The following LIPI variants were observed in gnomAD, a reference collection of about 807,000 sequenced individuals.
The protein encoded by LIPI is lipase member I.
LIPI carries 59 observed loss-of-function variants against 50.6 expected under a neutral mutation model. That is an observed-to-expected ratio of 1.16 (90% CI 0.94 to 1.45). The LOEUF is 1.45. Ranked by LOEUF, LIPI falls within the 40% of genes most tolerant of loss-of-function variation. LIPI has a pLI of 0.00. For synonymous variants in LIPI, 203 were observed against 178.2 expected (o/e 1.14, Z -1.11); for missense variants, 586 against 536.3 (o/e 1.09, Z -0.92).
chr21:14,113,043 T>C (rs910613813), intron 9 of LIPI, among the ~76,000 whole-genome samples: 2 of 152,222 alleles, frequency 1.3e-5, no homozygotes, highest in African/African-American at 4.8e-5. Flanking sequence ...TGAGCACTTA[T>C]CCAAGCTAGC....
At chr21:14,142,754 G>A (rs2017760194) in intron 9 of LIPI, among the ~76,000 whole-genome samples, 1 of 151,650 alleles carries the variant, frequency 6.6e-6, no homozygotes, top group Non-Finnish European at 1.5e-5. Context: ...AAAATGCTGG[G>A]ATTACAGGCG....
intron 9 of LIPI, among the ~76,000 whole-genome samples, chr21:14,118,402 CT>C (rs35032306): frequency 6.6e-6 from 1 of 152,040 alleles, no homozygotes; most frequent in African/African-American, 2.4e-5. Context: ...GAAAAGACAC[CT>C]TTTTTCAAAT....
intron 2 of LIPI, among the ~76,000 whole-genome samples, chr21:14,187,704 G>T (rs1195316612): frequency 6.6e-6 from 1 of 152,094 alleles, no homozygotes; most frequent in African/African-American, 2.4e-5. Flanking sequence ...TCTCTCTACA[G>T]CAATGGTATT....
intron 1 of LIPI, among the ~76,000 whole-genome samples, chr21:14,198,724 T>C (rs2019947914): frequency 6.6e-6 from 1 of 151,994 alleles, no homozygotes. Context: ...AGACAGAAAA[T>C]TAATAAAGAT....
At chr21:14,123,498 C>A (rs902953259) in intron 9 of LIPI, among the ~76,000 whole-genome samples, 1 of 151,864 alleles carries the variant, frequency 6.6e-6, no homozygotes, top group East Asian at 1.9e-4. Flanking sequence ...TTGCTCCCAC[C>A]AAAACAAGGG....
chr21:14,190,386 C>T (rs1269681085), intron 1 of LIPI, among the ~76,000 whole-genome samples: 1 of 151,954 alleles, frequency 6.6e-6, no homozygotes, highest in African/African-American at 2.4e-5. Flanking sequence ...CTGCTTCTAG[C>T]ACTTTAATTT....
chr21:14,187,715 GT>G (rs894872920), intron 2 of LIPI, among the ~76,000 whole-genome samples: 1 of 152,100 alleles, frequency 6.6e-6, no homozygotes, highest in Non-Finnish European at 1.5e-5. Context: ...CAATGGTATT[GT>G]TTTGTCCAAA....
intron 9 of LIPI, among the ~76,000 whole-genome samples, chr21:14,121,691 C>T (rs2016868963): frequency 1.3e-5 from 2 of 152,120 alleles, no homozygotes; most frequent in Non-Finnish European, 1.5e-5. Context: ...TCATGTCTAC[C>T]CCTACCACTG....
chr21:14,129,765 T>C (rs1052990403), intron 9 of LIPI, among the ~76,000 whole-genome samples: 1 of 149,768 alleles, frequency 6.7e-6, no homozygotes, highest in Non-Finnish European at 1.5e-5. Flanking sequence ...AACCTAAGTA[T>C]AATAATCTAT....
chr21:14,167,965 G>GA (rs987739009), intron 4 of LIPI, among the ~76,000 whole-genome samples: 31 of 152,204 alleles, frequency 2.0e-4, no homozygotes, highest in African/African-American at 6.7e-4. Context: ...TGAAAACTTT[G>GA]AAAAAAATTT....
intron 5 of LIPI, 113 bp from the exon 6 acceptor site, chr21:14,165,503 T>C: frequency 4.2e-6 from 3 of 719,242 alleles, no homozygotes; most frequent in Non-Finnish European, 7.1e-6. Flanking sequence ...CTTATGAATA[T>C]TACTGACTAT....
intron 1 of LIPI, among the ~76,000 whole-genome samples, chr21:14,203,213 G>C (rs971451529): frequency 1.1e-4 from 16 of 152,080 alleles, no homozygotes; most frequent in Admixed American, 6.5e-5. Flanking sequence ...TGGAGAAATA[G>C]GAACACTTTT....
intron 1 of LIPI, among the ~76,000 whole-genome samples, chr21:14,199,405 G>A (rs982068656): frequency 6.6e-6 from 1 of 151,630 alleles, no homozygotes; most frequent in Non-Finnish European, 1.5e-5. Flanking sequence ...AGTAACAAGG[G>A]TTATATTACT....
intron 9 of LIPI, among the ~76,000 whole-genome samples, chr21:14,128,659 G>A (rs1375897312): frequency 6.7e-6 from 1 of 148,776 alleles, no homozygotes; most frequent in Non-Finnish European, 1.5e-5. Context: ...ATCAATCTTA[G>A]GTACACGATA....
intron 1 of LIPI, among the ~76,000 whole-genome samples, chr21:14,194,515 C>A (rs1285552779): frequency 6.6e-6 from 1 of 151,952 alleles, no homozygotes; most frequent in African/African-American, 2.4e-5. Context: ...ACTTTGAAGA[C>A]ATTATGTCAA....
In LIPI at chr21:14,118,220, C is replaced by T. The variant is rs577721758; in HGVS notation, c.1296-9140G>A. 3.9e-5 allele frequency among the ~76,000 whole-genome samples: 6 copies of T among 152,176 alleles called. No homozygotes were observed. In the South Asian group the frequency reaches 1.2e-3, roughly 32 times the overall value. On this transcript the variant is annotated intron_variant, in intron 9 of 9. Coordinates refer to ENST00000681601, the MANE Select transcript of LIPI (RefSeq NM_001302998.2). ...CCAATGACTACCTTGAAGACTGAGA[C>T]AGATCGGGCTCCATCTCATTAGGCC...
rs564891698 is a variant in LIPI at position 14,191,846 on chromosome 21, C to T, written c.47-2427G>A. ...GCTTGGACGTCCTAACCTCTGCTAT[C>T]ACCACAAAAGCATCCATAGTCTGGC... On this transcript the variant is annotated intron_variant, in intron 1 of 9. Coordinates refer to ENST00000681601, the MANE Select transcript of LIPI (RefSeq NM_001302998.2). Among the ~76,000 whole-genome samples the T allele has an allele frequency of 8.5e-5, 13 of 152,290 alleles. No homozygotes were observed. In the South Asian group the frequency reaches 2.7e-3, roughly 32 times the overall value.
chr21:14,157,128 T>C (rs992998065), intron 7 of LIPI, among the ~76,000 whole-genome samples: 2 of 151,880 alleles, frequency 1.3e-5, no homozygotes, highest in Non-Finnish European at 2.9e-5. Flanking sequence ...TTCTCCTTGG[T>C]GCTCATCATG....
intron 3 of LIPI, among the ~76,000 whole-genome samples, chr21:14,183,057 C>T (rs11911821): frequency 0.017 from 2,599 of 152,236 alleles, 76 homozygotes; most frequent in African/African-American, 0.059. Flanking sequence ...AGGCATCATG[C>T]TACCTGACTT....
Sources: gnomAD v4.1 joint callset for allele counts (sites outside exome capture counted in the v4.1 genomes callset) on GRCh38, gnomAD v4.1.1 for gene constraint, MANE v1.5 for transcripts, NCBI Gene and HGNC (gene_info 2026-07-23, HGNC 2026-07-21) for gene names.